KCNT1: variants seen among roughly 807,000 people sequenced by gnomAD.
The protein encoded by KCNT1 is potassium sodium-activated channel subfamily T member 1, also known as potassium channel subfamily T member 1.
Under a neutral mutation model 147.8 loss-of-function variants are expected in KCNT1, and 78 were observed. The ratio of observed to expected loss-of-function variants is 0.53; its 90% confidence interval spans 0.44 to 0.64. The LOEUF (loss-of-function observed/expected upper bound fraction) is 0.64, where lower values mean the gene tolerates loss of function less well. Among genes scored for constraint, KCNT1 ranks in the 30% least tolerant of loss-of-function variants. The pLI is 0.00. For missense variants in KCNT1, 1,419 were observed against 1,750.3 expected (o/e 0.81, Z 3.38); for synonymous variants, 867 against 748.8 (o/e 1.16, Z -2.58).
intron 13 of KCNT1, 50 bp downstream of exon 13, chr9:135,765,810 A>T (rs537148958): frequency 6.6e-7 from 1 of 1,509,706 alleles, no homozygotes; most frequent in Non-Finnish European, 9.0e-7. Flanking sequence ...TTCCTGAGTC[A>T]GGTCGGCTGC....
At position 135,714,992 on chromosome 9, in the gene KCNT1, G is replaced by A. The variant is rs1377008099; in HGVS notation, c.254+272G>A. The stretch of plus-strand genomic sequence containing the variant: ...ACTTGGGGCGCGGAGGCGGAGGGCG[G>A]CCTGGCCTTCCGGTGTCTGCTCCCA... On this transcript the variant is annotated intron_variant, in intron 2 of 30. Transcript: ENST00000371757. The surrounding 1 kb of genome is among the most constrained non-coding windows in gnomAD (Gnocchi z 6.2). 6.6e-6 allele frequency among the ~76,000 whole-genome samples: 1 copy of A among 152,230 alleles called. No homozygotes were observed. Among genetic ancestry groups the A allele is most frequent in the African/African-American group, 2.4e-5 (1 of 41,466 alleles).
intron 1 of KCNT1, among the ~76,000 whole-genome samples, chr9:135,705,079 C>T (rs1242309961): frequency 1.3e-5 from 2 of 152,248 alleles, no homozygotes; most frequent in Non-Finnish European, 2.9e-5. Flanking sequence ...TGGTCTGGTT[C>T]ACCCACCGTA....
chr9:135,736,891 G>T (rs185752395), intron 2 of KCNT1: 8 of 282,208 alleles, frequency 2.8e-5, no homozygotes, highest in East Asian at 1.1e-4. Flanking sequence ...CCCGGGGAAG[G>T]GGGGAGGCCA....
chr9:135,702,587 C>T (rs1287642584), intron 1 of KCNT1, among the ~76,000 whole-genome samples: 1 of 152,156 alleles, frequency 6.6e-6, no homozygotes, highest in Admixed American at 6.5e-5. Context: ...AGCGTCCGTC[C>T]CCATCTGTCC....
In KCNT1 at chr9:135,784,135, G is replaced by C. The variant is rs1165451009; in HGVS notation, c.2943+10G>C. 6.2e-7 allele frequency: 1 copy of C among 1,600,720 alleles called. No individual in the cohort carries two copies. Among genetic ancestry groups the C allele is most frequent in the African/African-American group, 1.3e-5 (1 of 75,008 alleles). ...CACACTGCTCTACCAGGTCAGCGGG[G>C]AAGCGGCAGCAGGAGGGTGGCGCCT... On this transcript the variant is annotated intron_variant, in intron 25 of 30. Coordinates refer to ENST00000371757, the MANE Select transcript of KCNT1 (RefSeq NM_020822.3).
In KCNT1 at chr9:135,731,975, TATATATATATATATATAGAGAGAG is replaced by T. The variant is rs1588278879; in HGVS notation, c.254+17257_254+17280del. ...AAATATGCGTGTATATATATATATA[TATATATATATATATATAGAGAGAG>T]AGAGAGAGAGAGAGAGAGAGAGAGA... On this transcript the variant is annotated intron_variant, in intron 2 of 30. Transcript: ENST00000371757. 4.2e-4 allele frequency among the ~76,000 whole-genome samples: 11 copies of T among 26,444 alleles called. 1 individual carries two copies. Among genetic ancestry groups the T allele is most frequent in the Non-Finnish European group, 8.3e-4 (11 of 13,278 alleles). The allele number at this position is 26,444 out of a possible 152,430, so 17.3% of individuals were successfully genotyped here. A position where few individuals can be genotyped will look rare whatever the true frequency, so the allele number is the denominator to read the frequency against.
intron 2 of KCNT1, among the ~76,000 whole-genome samples, chr9:135,727,754 G>C (rs1385302783): frequency 6.6e-6 from 1 of 152,252 alleles, no homozygotes; most frequent in Admixed American, 6.5e-5. Context: ...TCCGGACAGA[G>C]GTGGGGCCCA....
intron 24 of KCNT1, among the ~76,000 whole-genome samples, chr9:135,779,969 C>T (rs376142557): frequency 6.1e-4 from 93 of 152,336 alleles, no homozygotes; most frequent in African/African-American, 2.0e-3. Context: ...TGACAAGGGA[C>T]GGAGGGCCTG....
intron 4 of KCNT1, among the ~76,000 whole-genome samples, chr9:135,751,783 G>A (rs955513049): frequency 6.6e-6 from 1 of 152,160 alleles, no homozygotes; most frequent in Non-Finnish European, 1.5e-5. Flanking sequence ...TGTCTTTGGG[G>A]ACCAGCCCCC....
intron 1 of KCNT1, among the ~76,000 whole-genome samples, chr9:135,709,143 A>G (rs1181115554): frequency 1.3e-5 from 2 of 151,954 alleles, no homozygotes; most frequent in African/African-American, 2.4e-5. Flanking sequence ...TCTCTATATC[A>G]CCTACAAGCT....
rs143678590 is a variant in KCNT1, at chr9:135,772,923, G to A, written c.2217G>A (p.Ser739=). The change falls in exon 19 of 31, where the codon TCG becomes TCA. Residue 739 remains serine (S), a synonymous_variant. Transcript: ENST00000371757. The part of the protein sequence containing the change: ...SDQSEDEVTP[S]DDEGLSVVEY... ...AGTCGGAGGATGAGGTGACGCCGTC[G>A]GACGACGAGGGGCTCTCCGTGGTAG... The A allele has an allele frequency of 5.7e-5, 86 of 1,521,706 alleles. No individual in the cohort carries two copies. The highest frequency in any genetic ancestry group is 1.3e-4 in the Admixed American group (6 of 46,224). The allele number at this position is 1,521,706 out of a possible 1,614,324, so 94.3% of individuals were successfully genotyped here.
At chr9:135,789,938 T>G (rs983009871) in intron 29 of KCNT1, 8 of 152,172 alleles carry the variant, frequency 5.3e-5, no homozygotes, top group African/African-American at 1.7e-4. Context: ...ACCAGTGCCA[T>G]GTGACTGACC....
intron 2 of KCNT1, among the ~76,000 whole-genome samples, chr9:135,738,820 C>T (rs1038353807): frequency 2.0e-5 from 3 of 152,138 alleles, no homozygotes; most frequent in Non-Finnish European, 2.9e-5. Flanking sequence ...TCCGGGGTCT[C>T]CTCCTTCCTT....
At position 135,792,127 on chromosome 9, in the gene KCNT1, G is replaced by T; in HGVS notation, c.3674G>T (p.Cys1225Phe). The T allele has an allele frequency of 6.2e-7, 1 of 1,605,966 alleles. No homozygotes were observed. Residue 1225 changes from cysteine to phenylalanine, a missense_variant, in exon 31 of 31, where the codon TGC (cysteine) becomes TTC (phenylalanine). Cys to Phe is a radical substitution (Grantham distance 205). This residue lies in a region of KCNT1 where 306 missense variants were observed against 294.2 expected (regional missense o/e 1.04). Transcript: ENST00000371757. Reference sequence around the variant, plus strand: ...AGCTGCAGCCACAAGCTGTCGTCCTGCAACCCCGAGACTCGCGACGAGACA... The same window carrying T: ...AGCTGCAGCCACAAGCTGTCGTCCTTCAACCCCGAGACTCGCGACGAGACA... Reference protein sequence around the residue: ...KSSCSHKLSSCNPETRDETQL With the variant: ...KSSCSHKLSSFNPETRDETQL
chr9:135,706,605 C>G (rs1362586710), intron 1 of KCNT1, among the ~76,000 whole-genome samples: 1 of 152,232 alleles, frequency 6.6e-6, no homozygotes, highest in African/African-American at 2.4e-5. Context: ...TGTAGCCACT[C>G]TGGGGCACTC....
At chr9:135,761,926 C>T (rs911809644) in intron 11 of KCNT1, among the ~76,000 whole-genome samples, 1 of 152,240 alleles carries the variant, frequency 6.6e-6, no homozygotes, top group Non-Finnish European at 1.5e-5. Flanking sequence ...AGAGGAGCCC[C>T]AGCCCCAGCC....
At chr9:135,779,300 C>T in intron 23 of KCNT1, 59 bp from the exon 24 acceptor site, 1 of 1,057,488 alleles carries the variant, frequency 9.5e-7, no homozygotes, top group Non-Finnish European at 1.5e-6. Context: ...CATGGGCCCC[C>T]ACCCTGAGAC....
rs372262576 is a variant in KCNT1 at position 135,784,009 on chromosome 9, C to T, written c.2842-15C>T. On this transcript the variant is annotated splice_polypyrimidine_tract_variant and intron_variant, in intron 24 of 30. Transcript: ENST00000371757. ...CCTCGGCACCAGCCCATCTGAGGCC[C>T]CTCCTTTCCCACAGAGGGAGCGAGA... The T allele has an allele frequency of 1.5e-4, 235 of 1,604,166 alleles. No homozygotes were observed. In the African/African-American group the frequency reaches 2.6e-3, roughly 18 times the overall value.
At chr9:135,726,416 T>G (rs1204060831) in intron 2 of KCNT1, among the ~76,000 whole-genome samples, 5 of 151,972 alleles carry the variant, frequency 3.3e-5, no homozygotes, top group African/African-American at 9.7e-5. Flanking sequence ...TGGCCTGAGC[T>G]CAGAGCTCCC....
Sources: gnomAD v4.1 joint callset for allele counts (sites outside exome capture counted in the v4.1 genomes callset) on GRCh38, gnomAD v4.1.1 for gene constraint, gnomAD v4.1.1 regional missense constraint, Gnocchi (gnomAD v3.1) non-coding constraint, MANE v1.5 for transcripts, NCBI Gene and HGNC (gene_info 2026-07-23, HGNC 2026-07-21) for gene names.